Variants in ARHGEF7 observed in about 807,000 individuals in gnomAD.
ARHGEF7 encodes the protein PAK-interacting exchange factor beta.
A neutral mutation model predicts 109.8 loss-of-function variants in ARHGEF7; 33 were observed. That is an observed-to-expected ratio of 0.30 (90% CI 0.23 to 0.40). ARHGEF7 has a LOEUF of 0.40. Ranked by LOEUF, ARHGEF7 falls within the 10% of genes least tolerant of loss-of-function variation. ARHGEF7 has a pLI of 1.00. For missense variants in ARHGEF7, 938 were observed against 1,098.5 expected, an observed-to-expected ratio of 0.85 and a Z score of 2.07; for synonymous variants, 458 against 424.6, an observed-to-expected ratio of 1.08 and a Z score of -0.97.
chr13:111,170,664 C>T (rs1184398695), intron 2 of ARHGEF7, among the ~76,000 whole-genome samples: 2 of 152,130 alleles, frequency 1.3e-5, no homozygotes, highest in African/African-American at 4.8e-5. Context: ...CTGGAAGGTT[C>T]TAGAAGGTTC....
chr13:111,206,309 C>T (rs2081844519), intron 3 of ARHGEF7, among the ~76,000 whole-genome samples: 1 of 152,002 alleles, frequency 6.6e-6, no homozygotes, highest in Non-Finnish European at 1.5e-5. Context: ...CAGTTCCTGG[C>T]TCCCGGAGGC....
intron 1 of ARHGEF7, among the ~76,000 whole-genome samples, chr13:111,129,898 G>A (rs549497425): frequency 4.6e-5 from 7 of 152,194 alleles, no homozygotes; most frequent in African/African-American, 9.7e-5. Flanking sequence ...AAATGGAAAC[G>A]ATACGGCCAT....
chr13:111,197,227 C>T (rs745975229), intron 2 of ARHGEF7, among the ~76,000 whole-genome samples: 20 of 151,460 alleles, frequency 1.3e-4, no homozygotes, highest in African/African-American at 2.0e-4. Context: ...TTGTGCTCGC[C>T]GACGCAGCAG....
At chr13:111,114,637 C>CGCCCGGCCCGGCCCG (rs542216199), upstream of ARHGEF7, 1 of 152,386 alleles carries the variant, frequency 6.6e-6, no homozygotes, top group Non-Finnish European at 1.5e-5. Flanking sequence ...CGCAGCCAGG[C>CGCCCGGCCCGGCCCG]GCCCGGCCCG....
At chr13:111,122,232 G>A (rs2067245334) in intron 1 of ARHGEF7, among the ~76,000 whole-genome samples, 1 of 152,186 alleles carries the variant, frequency 6.6e-6, no homozygotes, top group African/African-American at 2.4e-5. Flanking sequence ...TGGGGAGCGG[G>A]AGGGCTGAGC....
At chr13:111,292,331 A>G (rs765294687) in intron 19 of ARHGEF7, 37 bp downstream of exon 19, 1 of 1,611,918 alleles carries the variant, frequency 6.2e-7, no homozygotes, top group South Asian at 1.1e-5. Context: ...CACCAGAACT[A>G]ATGCACTTCT....
At chr13:111,183,131 C>T (rs1482756983) in intron 2 of ARHGEF7, among the ~76,000 whole-genome samples, 1 of 152,096 alleles carries the variant, frequency 6.6e-6, no homozygotes, top group Non-Finnish European at 1.5e-5. Context: ...CAAGGTAGAA[C>T]CAAGGTGTAA....
chr13:111,118,501 A>T (rs779371728), intron 1 of ARHGEF7, among the ~76,000 whole-genome samples: 1 of 152,182 alleles, frequency 6.6e-6, no homozygotes, highest in East Asian at 1.9e-4. Flanking sequence ...CCTTCTCTGT[A>T]TCTGGAGATC....
rs751200698 is a variant in ARHGEF7 at position 111,153,881 on chromosome 13, C to T, written c.166-24C>T. On this transcript the variant is annotated intron_variant, in intron 1 of 21. Coordinates refer to ENST00000646102, the MANE Select transcript of ARHGEF7 (RefSeq NM_001354046.2). ...CGTCCCCGCTGCCGGCCACGGCGCT[C>T]AGCGCTTGTGCTCTGTATTGCAGGT... is the stretch of plus-strand genomic sequence containing the variant. The T allele has an allele frequency of 1.1e-5, 17 of 1,585,216 alleles. 1 individual carries two copies. Among genetic ancestry groups the T allele is most frequent in the East Asian group, 2.5e-5 (1 of 40,500 alleles).
chr13:111,265,124 CAA>C (rs976877106), intron 8 of ARHGEF7, among the ~76,000 whole-genome samples: 16 of 69,474 alleles, frequency 2.3e-4, no homozygotes, highest in Middle Eastern at 9.1e-3. Context: ...AACTCCATCT[CAA>C]AAAAAAAAAA....
At chr13:111,172,138 T>C in intron 2 of ARHGEF7, among the ~76,000 whole-genome samples, 1 of 152,170 alleles carries the variant, frequency 6.6e-6, no homozygotes, top group East Asian at 1.9e-4. Flanking sequence ...GGGCTGGTAC[T>C]CTAAATACGT....
Position 111,303,268 on chromosome 13 carries a change from T to G in ARHGEF7, c.*155T>G. On this transcript the variant is annotated 3_prime_UTR_variant, in exon 22 of 22. Transcript: ENST00000646102. Reference sequence around the variant, plus strand: ...GAAAAGCTGGAGCTTATTCTGCGAATGGAGACGATCAAACCATGACTGATG... The same window carrying G: ...GAAAAGCTGGAGCTTATTCTGCGAAGGGAGACGATCAAACCATGACTGATG... The G allele has an allele frequency of 1.5e-6, 1 of 679,086 alleles. No homozygotes were observed. Among genetic ancestry groups the G allele is most frequent in the Non-Finnish European group, 2.3e-6 (1 of 426,218 alleles). The allele number at this position is 679,086 out of a possible 1,614,324, so 42.1% of individuals were successfully genotyped here.
chr13:111,221,491 A>AT lies in ARHGEF7; in HGVS notation c.670+3611_670+3612insT, dbSNP rs2084213124. 4.8e-5 allele frequency among the ~76,000 whole-genome samples: 3 copies of AT among 62,208 alleles called. 1 individual carries two copies. The highest frequency in any genetic ancestry group is 1.2e-4 in the African/African-American group (2 of 17,000). 40.8% of individuals were successfully genotyped at this position (62,208 alleles called of 152,430 possible). ...CATCTATATATATAGATATATATAG[A>AT]CATATATATATCTATATATATAGAT... On this transcript the variant is annotated intron_variant, in intron 5 of 21. Transcript: ENST00000646102.
At chr13:111,180,410 C>T (rs142366461) in intron 2 of ARHGEF7, among the ~76,000 whole-genome samples, 1 of 152,128 alleles carries the variant, frequency 6.6e-6, no homozygotes, top group Non-Finnish European at 1.5e-5. Context: ...GGAACACATA[C>T]AGATAGGATA....
intron 6 of ARHGEF7, chr13:111,241,219 C>G (rs986205627): frequency 3.3e-5 from 50 of 1,536,060 alleles, no homozygotes; most frequent in African/African-American, 4.1e-5. Context: ...TTGAAAACTG[C>G]CTGCGTCCTC....
intron 4 of ARHGEF7, among the ~76,000 whole-genome samples, chr13:111,212,973 C>T (rs1364896663): frequency 3.3e-5 from 5 of 152,134 alleles, no homozygotes; most frequent in Admixed American, 3.3e-4. Flanking sequence ...TCACAGCACT[C>T]AGAAATAGTA....
chr13:111,187,559 C>T (rs1487151434), intron 2 of ARHGEF7, among the ~76,000 whole-genome samples: 1 of 152,192 alleles, frequency 6.6e-6, no homozygotes, highest in Non-Finnish European at 1.5e-5. Flanking sequence ...AAGGTTCTGA[C>T]ACAGGATCTT....
chr13:111,267,204 T>G (rs1369855111), intron 8 of ARHGEF7, among the ~76,000 whole-genome samples: 1 of 152,242 alleles, frequency 6.6e-6, no homozygotes, highest in Non-Finnish European at 1.5e-5. Flanking sequence ...CCTCACAGAC[T>G]GAATAACCAC....
chr13:111,295,027 A>C (rs2093396028), intron 19 of ARHGEF7: 1 of 985,760 alleles, frequency 1.0e-6, no homozygotes, highest in African/African-American at 1.7e-5. Context: ...AGCCATTTTT[A>C]GTAGGTGACT....
Sources: allele counts gnomAD v4.1 joint callset (sites outside exome capture counted in the v4.1 genomes callset), GRCh38; gene constraint gnomAD v4.1.1; transcripts MANE v1.5; gene names NCBI Gene and HGNC (gene_info 2026-07-23, HGNC 2026-07-21).